The following MMEL1 variants were observed in gnomAD, a reference collection of about 807,000 sequenced individuals.
MMEL1 encodes membrane metalloendopeptidase like 1, also known as membrane metallo-endopeptidase-like 1.
Under a neutral mutation model 117.1 loss-of-function variants are expected in MMEL1, and 98 were observed. The ratio of observed to expected loss-of-function variants is 0.84; its 90% CI spans 0.71 to 0.99. MMEL1 has a LOEUF of 0.99. MMEL1 is among the 50% of genes least tolerant of loss of function. The pLI is 0.00. For missense variants in MMEL1, 1,014 were observed against 1,049.1 expected (o/e 0.97, Z 0.46); for synonymous variants, 390 against 415.1 (o/e 0.94, Z 0.74).
chr1:2,630,723 TTGTGCACG>T (rs1347574315), intron 1 of MMEL1, among the ~76,000 whole-genome samples: 1 of 136,804 alleles, frequency 7.3e-6, no homozygotes, highest in African/African-American at 2.8e-5. Context: ...GACTGTGTGA[TTGTGCACG>T]TGTGCGTGTG....
chr1:2,595,369 G>T lies in MMEL1; in HGVS notation c.1501-10C>A. 1 of 1,613,430 alleles carries T rather than the reference G, an allele frequency of 6.2e-7. No homozygotes were observed. Among genetic ancestry groups the T allele is most frequent in the Non-Finnish European group, 8.5e-7 (1 of 1,179,726 alleles). On this transcript the variant is annotated splice_polypyrimidine_tract_variant and intron_variant, in intron 15 of 23. Transcript: ENST00000378412. The surrounding 1 kb of genome is among the most constrained non-coding windows in gnomAD (Gnocchi z 4.8). ...CCCGGATGCTCATGGCCTGAGTGGG[G>T]AGGAGGGACTGGTCAGTGGGTGCCC... is the stretch of plus-strand genomic sequence containing the variant.
chr1:2,597,191 C>T (rs1175879785), intron 13 of MMEL1, among the ~76,000 whole-genome samples: 1 of 152,104 alleles, frequency 6.6e-6, no homozygotes, highest in African/African-American at 2.4e-5. Flanking sequence ...GCCCAGGGAG[C>T]ACTCTGCCCA....
At chr1:2,629,830 T>C (rs1052991229) in intron 1 of MMEL1, 10 of 211,440 alleles carry the variant, frequency 4.7e-5, no homozygotes, top group Admixed American at 1.8e-4. Context: ...GCCCCCCCCC[T>C]GGGCTGCTCA....
chr1:2,599,668 G>C (rs1306714959), intron 11 of MMEL1, among the ~76,000 whole-genome samples: 1 of 152,194 alleles, frequency 6.6e-6, no homozygotes, highest in Non-Finnish European at 1.5e-5. Context: ...GGCCATGCTG[G>C]CCAACATGGT....
At chr1:2,594,970 T>G in intron 16 of MMEL1, 77 bp from the exon 17 acceptor site, 2 of 1,287,304 alleles carry the variant, frequency 1.6e-6, no homozygotes, top group Admixed American at 1.9e-5. Flanking sequence ...CCTGGGTGGT[T>G]GGGGAAGGAC....
chr1:2,592,761 C>A (rs1328725034), intron 20 of MMEL1, 41 bp from the exon 21 acceptor site: 6 of 1,609,942 alleles, frequency 3.7e-6, no homozygotes, highest in African/African-American at 1.3e-5. Context: ...CCGGCCCTGA[C>A]TTCCCTCTCC....
At chr1:2,610,996 T>G (rs914160034) in intron 4 of MMEL1, among the ~76,000 whole-genome samples, 2 of 152,252 alleles carry the variant, frequency 1.3e-5, no homozygotes, top group African/African-American at 2.4e-5. Context: ...CATTGAACCT[T>G]TCTTTCTATA....
At chr1:2,611,237 C>A in intron 4 of MMEL1, 44 bp downstream of exon 4, 1 of 1,541,976 alleles carries the variant, frequency 6.5e-7, no homozygotes, top group East Asian at 2.5e-5. Context: ...CCGGGAGCCC[C>A]CAGCCCTTGG....
chr1:2,632,335 C>T lies in MMEL1; in HGVS notation c.-38+531G>A, dbSNP rs960023895. 9.2e-5 allele frequency among the ~76,000 whole-genome samples: 14 copies of T among 152,174 alleles called. No homozygotes were observed. In the East Asian group the frequency reaches 9.6e-4, roughly 10 times the overall value. On this transcript the variant is annotated intron_variant, in intron 1 of 23. Coordinates refer to ENST00000378412, the MANE Select transcript of MMEL1 (RefSeq NM_033467.4). ...GGGGCCGCTTCACCTAGACTGGCAC[C>T]CCCACCCCAGAGACCTCGGTCATTA... is the stretch of plus-strand genomic sequence containing the variant.
At chr1:2,630,192 A>C (rs1279089753) in intron 1 of MMEL1, 2 of 152,614 alleles carry the variant, frequency 1.3e-5, no homozygotes, top group African/African-American at 4.8e-5. Flanking sequence ...TAGGCAGGAC[A>C]GGGAGCTGGG....
intron 2 of MMEL1, among the ~76,000 whole-genome samples, chr1:2,618,519 G>A (rs1645238957): frequency 6.6e-6 from 1 of 152,032 alleles, no homozygotes; most frequent in Non-Finnish European, 1.5e-5. Flanking sequence ...CCCTCTTTCA[G>A]AAGAAACAAA....
rs139384428 is a variant in MMEL1, at chr1:2,596,611, C to T, written c.1351G>A (p.Val451Met). ...GCCTCCCTGACGTAGAGGGAGCCCA[C>T]GGCGTTCTCCATGTTGCTGTTGACG... ...GYVNSNMENA[V>M]GSLYVREAFP... Residue 451 changes from valine (V) to methionine (M), a missense_variant, in exon 14 of 24, where the codon GTG becomes ATG. Val to Met is a conservative substitution (Grantham distance 21). Transcript: ENST00000378412. 2.0e-5 allele frequency: 33 copies of T among 1,612,872 alleles called. No homozygotes were observed. The highest frequency in any genetic ancestry group is 2.6e-5 in the Non-Finnish European group (31 of 1,179,850).
intron 19 of MMEL1, 116 bp from the exon 20 acceptor site, chr1:2,593,082 G>T: frequency 7.4e-7 from 1 of 1,346,380 alleles, no homozygotes. Context: ...CCAGTACGGA[G>T]AGCCCACAGT....
At chr1:2,620,276 T>C (rs1645270263) in intron 2 of MMEL1, among the ~76,000 whole-genome samples, 1 of 152,210 alleles carries the variant, frequency 6.6e-6, no homozygotes, top group East Asian at 1.9e-4. Flanking sequence ...GCATGAGAGC[T>C]AAATCTTCAA....
chr1:2,609,503 C>A (rs532074351), intron 5 of MMEL1, 84 bp from the exon 6 acceptor site: 1 of 1,512,960 alleles, frequency 6.6e-7, no homozygotes. Context: ...CTGAAGTGCT[C>A]GGCGAGAGGC....
At chr1:2,632,784 G>GA in intron 1 of MMEL1, 82 bp downstream of exon 1, 2 of 871,960 alleles carry the variant, frequency 2.3e-6, no homozygotes, top group Non-Finnish European at 2.8e-6. Context: ...CCTGGAGAGG[G>GA]TTTCAAGGCC....
intron 5 of MMEL1, 73 bp from the exon 6 acceptor site, chr1:2,609,492 C>T (rs1645092039): frequency 1.3e-6 from 2 of 1,544,124 alleles, no homozygotes; most frequent in South Asian, 1.2e-5. Context: ...CCCTACACCC[C>T]CTGAAGTGCT....
chr1:2,612,153 C>T lies in MMEL1; in HGVS notation c.206G>A (p.Arg69Lys), dbSNP rs750644599. Residue 69 changes from arginine to lysine, a missense_variant, in exon 3 of 24, where the codon AGG becomes AAG. Physicochemically the swap from Arg to Lys is conservative, Grantham distance 26 (BLOSUM62 2). Coordinates refer to ENST00000378412, the MANE Select transcript of MMEL1 (RefSeq NM_033467.4). The surrounding 1 kb of genome is among the most constrained non-coding windows in gnomAD (Gnocchi z 5.4). ...TCGGGGTTTTCGTTTTACAAAGGTC[C>T]TCTCCTCCTGTAAGAAGCACAGCCG... ...ASRLCFLQEERTFVKRKPRGI... is the reference protein window; with the variant it reads ...ASRLCFLQEEKTFVKRKPRGI... The T allele has an allele frequency of 1.3e-6, 2 of 1,582,148 alleles. No homozygotes were observed. Among genetic ancestry groups the T allele is most frequent in the Non-Finnish European group, 1.7e-6 (2 of 1,162,892 alleles).
chr1:2,604,120 G>GCGGCCC, intron 10 of MMEL1, 27 bp downstream of exon 10: 3 of 1,330,072 alleles, frequency 2.3e-6, no homozygotes, highest in Non-Finnish European at 3.2e-6. Context: ...CTCGCTGCCC[G>GCGGCCC]CTCCCCACCC....
Sources: allele counts gnomAD v4.1 joint callset (sites outside exome capture counted in the v4.1 genomes callset), GRCh38; gene constraint gnomAD v4.1.1; non-coding constraint Gnocchi (gnomAD v3.1); transcripts MANE v1.5; gene names NCBI Gene and HGNC (gene_info 2026-07-23, HGNC 2026-07-21).